Variants in MTBP observed in about 807,000 individuals in gnomAD.
MTBP encodes the protein mdm2-binding protein.
Under a neutral mutation model 117.0 loss-of-function variants are expected in MTBP, and 101 were observed. The observed-to-expected ratio is 0.86, with a 90% CI of 0.73 to 1.02. The LOEUF (loss-of-function observed/expected upper bound fraction) is 1.02, where lower values mean the gene tolerates loss of function less well. Ranked by LOEUF, MTBP falls within the 50% of genes least tolerant of loss-of-function variation. The pLI is 0.00. For synonymous variants in MTBP, 350 were observed against 351.5 expected (o/e 1.00, Z 0.05); for missense variants, 970 against 1,030.9 (o/e 0.94, Z 0.81).
intron 17 of MTBP, among the ~76,000 whole-genome samples, chr8:120,510,824 C>T (rs1027039343): frequency 2.0e-5 from 3 of 151,022 alleles, no homozygotes; most frequent in East Asian, 1.9e-4. Context: ...GCAGGAGGAT[C>T]GATTGATATT....
chr8:120,479,328 C>A (rs989413136), intron 11 of MTBP, among the ~76,000 whole-genome samples: 2 of 152,136 alleles, frequency 1.3e-5, no homozygotes, highest in African/African-American at 2.4e-5. Context: ...TAGCACAGTA[C>A]AAGTGATCTA....
chr8:120,451,046 T>G lies in MTBP; in HGVS notation c.243T>G (p.Phe81Leu). Residue 81 changes from phenylalanine to leucine, a missense_variant, in exon 3 of 22, where the codon TTT becomes TTG. By Grantham distance (22) the Phe-to-Leu change is conservative. Coordinates refer to ENST00000305949, the MANE Select transcript of MTBP (RefSeq NM_022045.5). ...GGIPGSKKWF[F>L]AVQAIYGFYQ... is the part of the protein sequence containing the mutation. The stretch of plus-strand genomic sequence containing the variant: ...TACCTGGTTCCAAGAAGTGGTTCTT[T>G]GCAGTGCAGGCAATATATGGATTTT... The G allele has an allele frequency of 6.2e-7, 1 of 1,612,918 alleles. No individual in the cohort carries two copies. The highest frequency in any genetic ancestry group is 1.1e-5 in the South Asian group (1 of 90,778).
Position 120,447,926 on chromosome 8 carries a change from A to ATT in MTBP, c.199+1422_199+1423dup, listed in dbSNP as rs59081966. 6.7e-4 allele frequency among the ~76,000 whole-genome samples: 101 copies of ATT among 149,682 alleles called. 5 individuals carry two copies. The East Asian group carries it at 8.5e-3, about 13-fold the overall frequency. ...TCAACTTCCAATGTTTTATTCTTCG[A>ATT]TTTTTTTTTTCTTTTTTTGAGACAG... On this transcript the variant is annotated intron_variant, in intron 2 of 21. Coordinates refer to ENST00000305949, the MANE Select transcript of MTBP (RefSeq NM_022045.5).
At chr8:120,450,643 C>G (rs866416487) in intron 2 of MTBP, among the ~76,000 whole-genome samples, 9 of 152,152 alleles carry the variant, frequency 5.9e-5, no homozygotes, top group Non-Finnish European at 8.8e-5. Context: ...ATTGCTTTCA[C>G]TAAAATGACT....
At chr8:120,504,314 C>T (rs1033727376) in intron 15 of MTBP, among the ~76,000 whole-genome samples, 2 of 152,188 alleles carry the variant, frequency 1.3e-5, no homozygotes, top group Middle Eastern at 3.4e-3. Flanking sequence ...AATTAACACC[C>T]TTATTTTTCT....
At chr8:120,497,033 G>C (rs1814480311) in intron 13 of MTBP, among the ~76,000 whole-genome samples, 1 of 152,192 alleles carries the variant, frequency 6.6e-6, no homozygotes, top group African/African-American at 2.4e-5. Flanking sequence ...AGAAGAAACA[G>C]AAGTGGCCAA....
intron 18 of MTBP, among the ~76,000 whole-genome samples, chr8:120,517,339 T>A (rs865939926): frequency 8.5e-5 from 13 of 152,100 alleles, no homozygotes; most frequent in Middle Eastern, 3.4e-3. Flanking sequence ...ATTTAACAGA[T>A]TAGTATTAAA....
At position 120,492,345 on chromosome 8, in the gene MTBP, C is replaced by T. The variant is rs559448061; in HGVS notation, c.1447+1775C>T. Among the ~76,000 whole-genome samples, 8 of 152,262 alleles carry T rather than the reference C, an allele frequency of 5.3e-5. No individual in the cohort carries two copies. The East Asian group carries it at 5.8e-4, about 11-fold the overall frequency. On this transcript the variant is annotated intron_variant, in intron 13 of 21. Coordinates refer to ENST00000305949, the MANE Select transcript of MTBP (RefSeq NM_022045.5). Reference sequence around the variant, plus strand: ...TTGCAGAGGCATTTGCAGAGGCAAACGACAGCAAAAGAAAGTTTCCAATGT... The same window carrying T: ...TTGCAGAGGCATTTGCAGAGGCAAATGACAGCAAAAGAAAGTTTCCAATGT...
chr8:120,461,390 T>C (rs1813580336), intron 9 of MTBP, 135 bp downstream of exon 9: 1 of 624,088 alleles, frequency 1.6e-6, no homozygotes, highest in Non-Finnish European at 2.6e-6. Context: ...GATGTTCAAG[T>C]AGGCTGCTGG....
chr8:120,498,913 G>A (rs879692960), intron 14 of MTBP, among the ~76,000 whole-genome samples: 9 of 152,110 alleles, frequency 5.9e-5, no homozygotes, highest in Non-Finnish European at 1.3e-4. Flanking sequence ...AATTGCTAGG[G>A]CTTTTATATA....
intron 14 of MTBP, among the ~76,000 whole-genome samples, chr8:120,498,074 T>G (rs1338590846): frequency 6.6e-6 from 1 of 152,212 alleles, no homozygotes; most frequent in Non-Finnish European, 1.5e-5. Flanking sequence ...TGAATTTGAA[T>G]AACCTTGTTT....
chr8:120,518,544 G>C (rs1231020569), intron 19 of MTBP, among the ~76,000 whole-genome samples, 160 bp from the exon 20 acceptor site: 3 of 107,688 alleles, frequency 2.8e-5, no homozygotes, highest in African/African-American at 7.6e-5. Context: ...CCATGTAAAT[G>C]TTAGATCTTT....
rs1199987833 is a variant in MTBP at position 120,459,210 on chromosome 8, T to A, written c.748-5T>A. On this transcript the variant is annotated splice_polypyrimidine_tract_variant and splice_region_variant and intron_variant, in intron 7 of 21. Coordinates refer to ENST00000305949, the MANE Select transcript of MTBP (RefSeq NM_022045.5). ...TGTAACTGTGTTTTCTTGGTCTCTT[T>A]TCAGTTTGGATTTGAAATTAGTTTT... 1 of 1,605,440 alleles carries A rather than the reference T, an allele frequency of 6.2e-7. No homozygotes were observed. Among genetic ancestry groups the A allele is most frequent in the Admixed American group, 1.7e-5 (1 of 59,586 alleles).
chr8:120,459,722 G>C (rs1813544648), intron 8 of MTBP, among the ~76,000 whole-genome samples: 3 of 152,090 alleles, frequency 2.0e-5, no homozygotes, highest in Admixed American at 2.0e-4. Context: ...CCTATAAGTT[G>C]TTTATAACCT....
At chr8:120,465,216 A>G (rs1419756299) in intron 10 of MTBP, among the ~76,000 whole-genome samples, 1 of 152,140 alleles carries the variant, frequency 6.6e-6, no homozygotes, top group Non-Finnish European at 1.5e-5. Flanking sequence ...ATGGATTGAG[A>G]AAATTGTTAT....
chr8:120,453,175 G>A (rs565065964), intron 4 of MTBP, among the ~76,000 whole-genome samples: 3 of 152,218 alleles, frequency 2.0e-5, no homozygotes, highest in South Asian at 4.1e-4. Context: ...AAATGGCTGG[G>A]TGCAGTGGCT....
At chr8:120,498,935 A>G (rs939319215) in intron 14 of MTBP, among the ~76,000 whole-genome samples, 2 of 152,166 alleles carry the variant, frequency 1.3e-5, no homozygotes, top group Non-Finnish European at 1.5e-5. Flanking sequence ...GTTTAAGGGT[A>G]TGTATCTTAG....
chr8:120,486,515 A>T (rs544368546), intron 11 of MTBP, among the ~76,000 whole-genome samples: 1 of 152,136 alleles, frequency 6.6e-6, no homozygotes, highest in Non-Finnish European at 1.5e-5. Flanking sequence ...CTGCCTTATG[A>T]GTAGGGGCTA....
intron 10 of MTBP, among the ~76,000 whole-genome samples, chr8:120,465,683 G>A (rs1376899567): frequency 8.7e-6 from 1 of 115,486 alleles, no homozygotes; most frequent in African/African-American, 2.9e-5. Flanking sequence ...TTTTTGAGAC[G>A]GAGTCTCGCT....
Sources: gnomAD v4.1 joint callset for allele counts (sites outside exome capture counted in the v4.1 genomes callset) on GRCh38, gnomAD v4.1.1 for gene constraint, MANE v1.5 for transcripts, NCBI Gene and HGNC (gene_info 2026-07-23, HGNC 2026-07-21) for gene names.